The following MEAK7 variants were observed in gnomAD, a reference collection of about 807,000 sequenced individuals.
The protein encoded by MEAK7 is MTOR associated protein MEAK7, also known as MTOR-associated protein MEAK7.
A neutral mutation model predicts 40.5 loss-of-function variants in MEAK7; 68 were observed. That is an observed-to-expected ratio of 1.68 (90% CI 1.38 to 2.06). The LOEUF is 2.06. MEAK7 is among the 30% of genes most tolerant of loss of function. MEAK7 has a pLI of 0.00. For missense variants in MEAK7, 918 were observed against 580.5 expected, an observed-to-expected ratio of 1.58 and a Z score of -5.98; for synonymous variants, 338 against 231.9, an observed-to-expected ratio of 1.46 and a Z score of -4.16.
intron 1 of MEAK7, among the ~76,000 whole-genome samples, chr16:84,500,482 C>T (rs764680149): frequency 6.6e-6 from 1 of 152,202 alleles, no homozygotes; most frequent in Non-Finnish European, 1.5e-5. Flanking sequence ...CACCCATCTT[C>T]GCAGCGGATG....
intron 1 of MEAK7, among the ~76,000 whole-genome samples, chr16:84,503,570 T>TA (rs1339720429): frequency 6.6e-6 from 1 of 152,192 alleles, no homozygotes; most frequent in African/African-American, 2.4e-5. Flanking sequence ...TAAGCATCAT[T>TA]AATTAATTTC....
chr16:84,479,445 T>A lies in MEAK7; in HGVS notation c.*468A>T, dbSNP rs1912306982. 1 of 131,608 alleles carries A rather than the reference T, an allele frequency of 7.6e-6. No individual in the cohort carries two copies. Among genetic ancestry groups the A allele is most frequent in the Admixed American group, 8.0e-5 (1 of 12,458 alleles). 8.2% of individuals were successfully genotyped at this position (131,608 alleles called of 1,614,324 possible). On this transcript the variant is annotated 3_prime_UTR_variant, in exon 8 of 8. Coordinates refer to ENST00000343629, the MANE Select transcript of MEAK7 (RefSeq NM_020947.4). ...CGGAATTCCCTAATGCCAGCGGAAT[T>A]CCCTAATGCCAGCGGAATTCCCTAA...
At chr16:84,503,843 C>T in intron 1 of MEAK7, 1 of 798,518 alleles carries the variant, frequency 1.3e-6, no homozygotes, top group Non-Finnish European at 1.5e-6. Context: ...TCACCTCCTG[C>T]TCAGAGCTTC....
chr16:84,480,170 G>A (rs1256595188), intron 7 of MEAK7, 144 bp from the exon 8 acceptor site: 2 of 653,498 alleles, frequency 3.1e-6, no homozygotes, highest in Non-Finnish European at 5.1e-6. Context: ...CAGTGGCTGG[G>A]TGGGTAGGAG....
At chr16:84,501,314 G>A (rs1395446777) in intron 1 of MEAK7, among the ~76,000 whole-genome samples, 1 of 151,982 alleles carries the variant, frequency 6.6e-6, no homozygotes. Flanking sequence ...CGAGGCAAGG[G>A]TGGAACTCAG....
Position 84,482,635 on chromosome 16 carries a change from T to C in MEAK7, c.1034A>G (p.Tyr345Cys), listed in dbSNP as rs750020245. Residue 345 changes from tyrosine (Y) to cysteine (C), a missense_variant, in exon 6 of 8, where the codon TAC becomes TGC. Tyr to Cys is a radical substitution (Grantham distance 194, BLOSUM62 -2). Coordinates refer to ENST00000343629, the MANE Select transcript of MEAK7 (RefSeq NM_020947.4). ...CTGCTGTCCATGGTTCAAGTACATG[T>C]AGTGGTCGTTGTAGCCCGTGTGTGT... ...VYTHTGYNDH[Y>C]MYLNHGQQTI... is the part of the protein sequence containing the mutation. 1.9e-5 allele frequency: 31 copies of C among 1,614,080 alleles called. No homozygotes were observed. The highest frequency in any genetic ancestry group is 2.5e-5 in the Non-Finnish European group (30 of 1,180,044).
At chr16:84,480,852 T>A in intron 6 of MEAK7, 144 bp from the exon 7 acceptor site, 1 of 909,820 alleles carries the variant, frequency 1.1e-6, no homozygotes, top group Non-Finnish European at 1.6e-6. Context: ...TTGTTTTCCT[T>A]AACTGTGAAA....
At position 84,498,128 on chromosome 16, in the gene MEAK7, C is replaced by T. The variant is rs1567505079; in HGVS notation, c.-25-17G>A. 6.5e-7 allele frequency: 1 copy of T among 1,542,900 alleles called. No individual in the cohort carries two copies. Among genetic ancestry groups the T allele is most frequent in the Non-Finnish European group, 8.7e-7 (1 of 1,149,392 alleles). On this transcript the variant is annotated splice_polypyrimidine_tract_variant and intron_variant, in intron 1 of 7. Coordinates refer to ENST00000343629, the MANE Select transcript of MEAK7 (RefSeq NM_020947.4). ...CAGAATTCTCTGCAGAAGGAAAAGA[C>T]ACAACATTAGAAAAATCAAAATTTA...
intron 1 of MEAK7, among the ~76,000 whole-genome samples, chr16:84,501,936 G>T (rs1914538302): frequency 6.6e-6 from 1 of 152,148 alleles, no homozygotes; most frequent in Non-Finnish European, 1.5e-5. Context: ...CCTGAGGTCG[G>T]GAGTTCGAGA....
At chr16:84,490,654 A>ATATGTGTG (rs1555513463) in intron 3 of MEAK7, among the ~76,000 whole-genome samples, 1 of 137,530 alleles carries the variant, frequency 7.3e-6, no homozygotes, top group Admixed American at 7.2e-5. Flanking sequence ...GCTAATCAAG[A>ATATGTGTG]TGTGTGTGTG....
intron 5 of MEAK7, among the ~76,000 whole-genome samples, chr16:84,484,612 C>T (rs953818191): frequency 5.3e-5 from 8 of 152,188 alleles, no homozygotes; most frequent in Non-Finnish European, 7.3e-5. Context: ...TTTACGAAGC[C>T]ACATTACCCC....
chr16:84,498,023 C>G lies in MEAK7; in HGVS notation c.64G>C (p.Ala22Pro). 4 of 1,614,198 alleles carry G rather than the reference C, an allele frequency of 2.5e-6. No individual in the cohort carries two copies. Among genetic ancestry groups the G allele is most frequent in the Non-Finnish European group, 3.4e-6 (4 of 1,180,024 alleles). Residue 22 changes from alanine to proline, a missense_variant, in exon 2 of 8, where the codon GCA becomes CCA. Ala to Pro is a conservative substitution (Grantham distance 27). Coordinates refer to ENST00000343629, the MANE Select transcript of MEAK7 (RefSeq NM_020947.4). ...GCATCAAACAATTGATCAATCTCTGCCTGTTCCTCAGGAAGAAACTGTGAA... is the reference window on the plus strand; with the variant it reads ...GCATCAAACAATTGATCAATCTCTGGCTGTTCCTCAGGAAGAAACTGTGAA... ...FCSQFLPEEQAEIDQLFDALS... is the reference protein window; with the variant it reads ...FCSQFLPEEQPEIDQLFDALS...
intron 4 of MEAK7, 61 bp downstream of exon 4, chr16:84,489,217 G>A (rs1044983545): frequency 3.2e-6 from 5 of 1,574,066 alleles, no homozygotes; most frequent in East Asian, 2.3e-5. Context: ...CTACAGTAAT[G>A]GAGACAGCAG....
rs961999422 is a variant in MEAK7 at position 84,476,369 on chromosome 16, CAT to C, written c.*3542_*3543del. The stretch of plus-strand genomic sequence containing the variant: ...GTTTTTGTCTATCAGGTTAAAAAAA[CAT>C]ATTTTAATACAGTTTTGCTGAAAAC... On this transcript the variant is annotated 3_prime_UTR_variant, in exon 8 of 8. Transcript: ENST00000343629. 6.6e-6 allele frequency: 1 copy of C among 152,066 alleles called. No homozygotes were observed. The highest frequency in any genetic ancestry group is 2.4e-5 in the African/African-American group (1 of 41,396). The allele number at this position is 152,066 out of a possible 1,614,324, so 9.4% of individuals were successfully genotyped here. A position where few individuals can be genotyped will look rare whatever the true frequency, so the allele number is the denominator to read the frequency against.
chr16:84,499,028 G>A (rs1914283607), intron 1 of MEAK7, among the ~76,000 whole-genome samples: 1 of 152,136 alleles, frequency 6.6e-6, no homozygotes, highest in Admixed American at 6.6e-5. Flanking sequence ...CAAAGCAAAG[G>A]GCCAAGACCT....
intron 1 of MEAK7, 127 bp downstream of exon 1, chr16:84,504,474 A>C: frequency 1.9e-6 from 1 of 525,346 alleles, no homozygotes; most frequent in Non-Finnish European, 2.4e-6. Flanking sequence ...GAGGGCCTGA[A>C]GAGGCGTGGG....
chr16:84,502,265 AAAGT>A (rs1914564921), intron 1 of MEAK7, among the ~76,000 whole-genome samples: 1 of 152,166 alleles, frequency 6.6e-6, no homozygotes, highest in Non-Finnish European at 1.5e-5. Context: ...AATGACTGGA[AAAGT>A]GTGTGGTTGC....
At chr16:84,498,172 T>C (rs1051019442) in intron 1 of MEAK7, 61 bp from the exon 2 acceptor site, 5 of 1,517,298 alleles carry the variant, frequency 3.3e-6, no homozygotes, top group African/African-American at 1.4e-5. Flanking sequence ...AGAAAATAAA[T>C]GTTGAGAATT....
chr16:84,486,545 T>C, intron 5 of MEAK7, 86 bp downstream of exon 5: 2 of 1,501,906 alleles, frequency 1.3e-6, no homozygotes, highest in South Asian at 1.4e-5. Flanking sequence ...GGGAGAGCCC[T>C]ATTTAGCACC....
Sources: gnomAD v4.1 joint callset for allele counts (sites outside exome capture counted in the v4.1 genomes callset) on GRCh38, gnomAD v4.1.1 for gene constraint, MANE v1.5 for transcripts, NCBI Gene and HGNC (gene_info 2026-07-23, HGNC 2026-07-21) for gene names.